The following CADM2 variants were observed in gnomAD, a reference collection of about 807,000 sequenced individuals.
The protein encoded by CADM2 is immunoglobulin superfamily member 4D.
Under a neutral mutation model 49.8 loss-of-function variants are expected in CADM2, and 12 were observed. The ratio of observed to expected loss-of-function variants is 0.24; its 90% CI spans 0.15 to 0.39. The LOEUF (loss-of-function observed/expected upper bound fraction) is 0.39. CADM2 is among the 10% of genes least tolerant of loss of function. The pLI is 1.00. For synonymous variants in CADM2, 214 were observed against 175.4 expected, an observed-to-expected ratio of 1.22 and a Z score of -1.74; for missense variants, 378 against 492.3, an observed-to-expected ratio of 0.77 and a Z score of 2.20.
intron 2 of CADM2, among the ~76,000 whole-genome samples, chr3:85,768,419 C>A (rs528698882): frequency 1.9e-4 from 29 of 151,310 alleles, no homozygotes; most frequent in African/African-American, 6.8e-4. Flanking sequence ...GCACTCCAAA[C>A]TGGGCTACAG....
intron 1 of CADM2, among the ~76,000 whole-genome samples, chr3:85,401,275 T>G (rs951396700): frequency 6.6e-6 from 1 of 152,118 alleles, no homozygotes; most frequent in Non-Finnish European, 1.5e-5. Context: ...TGGTGTTGAG[T>G]CACTCATGGC....
chr3:85,618,768 T>A (rs1347478410), intron 1 of CADM2, among the ~76,000 whole-genome samples: 3 of 152,164 alleles, frequency 2.0e-5, no homozygotes, highest in Admixed American at 2.0e-4. Context: ...AAATTTAAAT[T>A]CTACTGATCA....
At chr3:85,092,413 G>A (rs13095644) in intron 1 of CADM2, among the ~76,000 whole-genome samples, 56,183 of 151,908 alleles carry the variant, frequency 0.37, 13,543 homozygotes, top group Non-Finnish European at 0.54. Context: ...ACAAATTGTG[G>A]CCAGAGAAGA....
intron 1 of CADM2, among the ~76,000 whole-genome samples, chr3:85,220,674 T>C (rs2107791018): frequency 6.6e-6 from 1 of 152,194 alleles, no homozygotes; most frequent in South Asian, 2.1e-4. Flanking sequence ...AGAACTATAT[T>C]TTAAGGGAGA....
At chr3:86,032,569 G>A (rs531544267) in intron 8 of CADM2, among the ~76,000 whole-genome samples, 3 of 151,926 alleles carry the variant, frequency 2.0e-5, no homozygotes, top group East Asian at 3.9e-4. Flanking sequence ...AACTATCCTT[G>A]TAGTAAAAGC....
chr3:85,765,963 A>G (rs1559641522), intron 2 of CADM2, among the ~76,000 whole-genome samples: 1 of 152,084 alleles, frequency 6.6e-6, no homozygotes, highest in South Asian at 2.1e-4. Context: ...AATGCCCCTC[A>G]TATGCAAATG....
At chr3:86,060,434 A>T (rs73843590) in intron 8 of CADM2, among the ~76,000 whole-genome samples, 2,226 of 152,252 alleles carry the variant, frequency 0.015, 48 homozygotes, top group African/African-American at 0.051. Flanking sequence ...ACCTGAATTG[A>T]TCTACTGCAT....
At position 85,852,795 on chromosome 3, in the gene CADM2, A is replaced by T. The variant is rs548447376; in HGVS notation, c.239-30496A>T. Among the ~76,000 whole-genome samples, 66 of 152,172 alleles carry T rather than the reference A, an allele frequency of 4.3e-4. No homozygotes were observed. The South Asian group carries it at 0.013, about 31-fold the overall frequency. On this transcript the variant is annotated intron_variant, in intron 3 of 9. Transcript: ENST00000383699. ...GAACAGAACCTATACACTTTGAATT[A>T]TACTTATTTGCTTACAGATGATTTA...
At chr3:85,050,691 T>C (rs895359424) in intron 1 of CADM2, among the ~76,000 whole-genome samples, 4 of 152,186 alleles carry the variant, frequency 2.6e-5, no homozygotes, top group African/African-American at 9.6e-5. Flanking sequence ...TTATTTAAGA[T>C]AACTATAGAA....
chr3:85,200,064 TG>T (rs750818665), intron 1 of CADM2, among the ~76,000 whole-genome samples: 8 of 152,220 alleles, frequency 5.3e-5, no homozygotes, highest in Non-Finnish European at 8.8e-5. Flanking sequence ...TGCCCTTCCA[TG>T]GGTTAACTGA....
intron 8 of CADM2, among the ~76,000 whole-genome samples, chr3:86,042,177 G>A (rs1309255231): frequency 2.0e-5 from 3 of 152,092 alleles, no homozygotes; most frequent in African/African-American, 7.2e-5. Flanking sequence ...AACTAGAGAA[G>A]CAAGAGAAAA....
At chr3:85,705,340 A>C (rs529577853) in intron 1 of CADM2, among the ~76,000 whole-genome samples, 1 of 152,138 alleles carries the variant, frequency 6.6e-6, no homozygotes, top group Non-Finnish European at 1.5e-5. Flanking sequence ...GTAATTCTAC[A>C]AGTCAGGTAC....
intron 1 of CADM2, among the ~76,000 whole-genome samples, chr3:85,619,959 T>C (rs753612354): frequency 6.6e-6 from 1 of 152,180 alleles, no homozygotes; most frequent in Non-Finnish European, 1.5e-5. Context: ...ATAAAAATCA[T>C]TTTACAATTA....
At chr3:85,592,423 G>T (rs1413944129) in intron 1 of CADM2, among the ~76,000 whole-genome samples, 2 of 151,876 alleles carry the variant, frequency 1.3e-5, no homozygotes, top group Non-Finnish European at 2.9e-5. Flanking sequence ...AATTCTACAG[G>T]AGCTGCTTTC....
intron 1 of CADM2, among the ~76,000 whole-genome samples, chr3:85,024,258 A>G (rs2034628251): frequency 1.3e-5 from 2 of 152,084 alleles, no homozygotes; most frequent in African/African-American, 4.8e-5. Flanking sequence ...GCCTTTCCTC[A>G]TTTTACTTTC....
intron 5 of CADM2, among the ~76,000 whole-genome samples, chr3:85,890,005 A>C (rs1434546380): frequency 6.6e-6 from 1 of 152,132 alleles, no homozygotes; most frequent in Non-Finnish European, 1.5e-5. Context: ...TGTCTTAAAC[A>C]ATGTATAAAC....
intron 1 of CADM2, among the ~76,000 whole-genome samples, chr3:85,604,853 T>C (rs1305063666): frequency 6.6e-6 from 1 of 151,992 alleles, no homozygotes; most frequent in Non-Finnish European, 1.5e-5. Flanking sequence ...CAAACAGCTG[T>C]GATACATGCC....
intron 1 of CADM2, among the ~76,000 whole-genome samples, chr3:85,067,905 T>C (rs2036582517): frequency 6.6e-6 from 1 of 152,154 alleles, no homozygotes; most frequent in African/African-American, 2.4e-5. Context: ...TCTGACACAG[T>C]TGGGGACTAT....
intron 1 of CADM2, among the ~76,000 whole-genome samples, chr3:85,214,724 C>T (rs1355064348): frequency 6.6e-6 from 1 of 152,060 alleles, no homozygotes; most frequent in Non-Finnish European, 1.5e-5. Flanking sequence ...AGTCTCTCCC[C>T]ATGGCCACCA....
Sources: gnomAD v4.1 joint callset for allele counts (sites outside exome capture counted in the v4.1 genomes callset) on GRCh38, gnomAD v4.1.1 for gene constraint, MANE v1.5 for transcripts, NCBI Gene and HGNC (gene_info 2026-07-23, HGNC 2026-07-21) for gene names.